The following MIA2 variants were observed in gnomAD, a reference collection of about 807,000 sequenced individuals.
MIA2 encodes melanoma inhibitory activity protein 2.
Under a neutral mutation model 167.8 loss-of-function variants are expected in MIA2, and 127 were observed. That is an observed-to-expected ratio of 0.76 (90% CI 0.66 to 0.88). MIA2 has a LOEUF of 0.88. Ranked by LOEUF, MIA2 falls within the 40% of genes least tolerant of loss-of-function variation. The probability of loss-of-function intolerance (pLI) is 0.00; values close to 1 mark genes in which losing one functional copy is unlikely to be tolerated. For missense variants in MIA2, 1,690 were observed against 1,624.7 expected (o/e 1.04, Z -0.69); for synonymous variants, 552 against 541.9 (o/e 1.02, Z -0.26).
intron 9 of MIA2, among the ~76,000 whole-genome samples, chr14:39,285,614 G>A (rs1387576808): frequency 7.1e-6 from 1 of 141,802 alleles, no homozygotes; most frequent in Non-Finnish European, 1.5e-5. Flanking sequence ...CCGGGCGGGG[G>A]CTGCCCCCCA....
At chr14:39,274,086 T>A (rs1299072880) in intron 6 of MIA2, among the ~76,000 whole-genome samples, 2 of 152,228 alleles carry the variant, frequency 1.3e-5, no homozygotes, top group Non-Finnish European at 2.9e-5. Context: ...TGATTTTTTT[T>A]AAAGCTACTT....
intron 23 of MIA2, among the ~76,000 whole-genome samples, chr14:39,358,082 G>C (rs1183968786): frequency 6.6e-6 from 1 of 152,130 alleles, no homozygotes; most frequent in African/African-American, 2.4e-5. Flanking sequence ...TGTATTTCCT[G>C]AATTTGAATG....
At chr14:39,323,168 C>T (rs537262473) in intron 24 of MIA2, among the ~76,000 whole-genome samples, 1 of 152,196 alleles carries the variant, frequency 6.6e-6, no homozygotes, top group South Asian at 2.1e-4. Context: ...CTCCCTTTGC[C>T]CATATCCTGT....
chr14:39,246,940 A>G lies in MIA2; in HGVS notation c.366A>G (p.Val122=). 1.3e-6 allele frequency: 2 copies of G among 1,521,960 alleles called. No homozygotes were observed. The highest frequency in any genetic ancestry group is 1.8e-6 in the Non-Finnish European group (2 of 1,140,330). The allele number at this position is 1,521,960 out of a possible 1,614,324, so 94.3% of individuals were successfully genotyped here. ...CTGACTTTCTTTGTCTTCTTGGAGT[A>G]AGTTACACATTTGACAATGAAGATA... is the stretch of plus-strand genomic sequence containing the variant. The part of the protein sequence containing the change: ...KESDFLCLLG[V]SYTFDNEDSE... Residue 122 remains valine, a synonymous_variant, in exon 4 of 29, where the codon GTA becomes GTG. Coordinates refer to ENST00000640607, the MANE Select transcript of MIA2 (RefSeq NM_001329214.4).
At chr14:39,302,344 T>C (rs2062658506) in intron 15 of MIA2, 95 bp downstream of exon 15, 1 of 1,395,678 alleles carries the variant, frequency 7.2e-7, no homozygotes, top group Admixed American at 1.9e-5. Context: ...TTTATATGCT[T>C]TTACTTTGGC....
chr14:39,344,178 A>G (rs1389702180), intron 25 of MIA2, among the ~76,000 whole-genome samples: 1 of 152,228 alleles, frequency 6.6e-6, no homozygotes, highest in Non-Finnish European at 1.5e-5. Context: ...TTTATAAAGT[A>G]GTAAATTTAT....
intron 23 of MIA2, among the ~76,000 whole-genome samples, chr14:39,356,463 G>GC (rs2074527952): frequency 1.3e-5 from 2 of 151,980 alleles, no homozygotes; most frequent in Admixed American, 6.6e-5. Context: ...TATTAGTCTT[G>GC]CTAGTGGTCT....
chr14:39,348,704 T>G, intron 27 of MIA2, 39 bp from the exon 28 acceptor site: 2 of 1,608,784 alleles, frequency 1.2e-6, no homozygotes, highest in South Asian at 2.2e-5. Context: ...GATTGCAAAT[T>G]TACTGTTTTA....
intron 17 of MIA2, among the ~76,000 whole-genome samples, chr14:39,304,794 A>G (rs1257948243): frequency 1.3e-5 from 2 of 152,154 alleles, no homozygotes; most frequent in South Asian, 4.1e-4. Flanking sequence ...TACGTAGTAT[A>G]TTAGTACATA....
intron 17 of MIA2, among the ~76,000 whole-genome samples, chr14:39,308,195 T>A (rs1015072474): frequency 2.6e-5 from 4 of 152,172 alleles, no homozygotes; most frequent in African/African-American, 9.6e-5. Flanking sequence ...ATTACCCTGA[T>A]AGGATTATTA....
At chr14:39,261,475 C>A (rs2152655785) in intron 6 of MIA2, among the ~76,000 whole-genome samples, 1 of 152,232 alleles carries the variant, frequency 6.6e-6, no homozygotes. Context: ...TTTATAGCAG[C>A]ATGATTTATA....
In MIA2 at chr14:39,234,174, G is replaced by A. The variant is rs2053628662; in HGVS notation, c.60G>A (p.Leu20=). ...TGGCTATTTCTCTGACAAAGTGTCT[G>A]GAGAGTACAAAACTGCTGGCAGACC... is the stretch of plus-strand genomic sequence containing the variant. ...LLLAISLTKC[L]ESTKLLADLK... is the part of the protein sequence containing the mutation. Residue 20 remains leucine, a synonymous_variant, in exon 1 of 29, where the codon CTG becomes CTA. Transcript: ENST00000640607. 3.1e-6 allele frequency: 5 copies of A among 1,610,034 alleles called. No homozygotes were observed. Among genetic ancestry groups the A allele is most frequent in the Non-Finnish European group, 4.2e-6 (5 of 1,178,576 alleles).
At chr14:39,298,413 T>TTATATATGTATATATATATATATA (rs1555375665) in intron 13 of MIA2, among the ~76,000 whole-genome samples, 9 of 26,148 alleles carry the variant, frequency 3.4e-4, no homozygotes, top group African/African-American at 1.2e-3. Flanking sequence ...TGATTCTGTT[T>TTATATATGTATATATATATATATA]TATATATATA....
intron 6 of MIA2, among the ~76,000 whole-genome samples, chr14:39,257,849 G>A (rs1404478613): frequency 2.0e-5 from 3 of 152,150 alleles, no homozygotes; most frequent in African/African-American, 7.2e-5. Flanking sequence ...TTGAAGCTTA[G>A]TTTGGCTGGA....
In MIA2 at chr14:39,361,076, G is replaced by A. The variant is rs376625603; in HGVS notation, c.2248+12099G>A. Among the ~76,000 whole-genome samples, 4 of 152,290 alleles carry A rather than the reference G, an allele frequency of 2.6e-5. No homozygotes were observed. In the East Asian group the frequency reaches 5.8e-4, roughly 22 times the overall value. On this transcript the variant is annotated intron_variant, in intron 23 of 23. Transcript: ENST00000341502. Reference sequence around the variant, plus strand: ...AGCCTTGTAATATATTTTGAAGTCAGATAATGTGATGCCCCCACCTTGATC... The same window carrying A: ...AGCCTTGTAATATATTTTGAAGTCAAATAATGTGATGCCCCCACCTTGATC...
intron 6 of MIA2, among the ~76,000 whole-genome samples, chr14:39,257,182 G>C (rs566978249): frequency 3.3e-5 from 5 of 152,080 alleles, no homozygotes; most frequent in Admixed American, 2.0e-4. Flanking sequence ...ATTGACAGTG[G>C]GGCATCAAAG....
At chr14:39,359,968 G>A (rs1232448545) in intron 23 of MIA2, among the ~76,000 whole-genome samples, 1 of 146,402 alleles carries the variant, frequency 6.8e-6, no homozygotes, top group Non-Finnish European at 1.5e-5. Context: ...AAAAGTTCCT[G>A]TTTCTCCGGA....
At chr14:39,235,252 G>A (rs1006020625) in intron 1 of MIA2, among the ~76,000 whole-genome samples, 1 of 151,944 alleles carries the variant, frequency 6.6e-6, no homozygotes, top group Non-Finnish European at 1.5e-5. Flanking sequence ...CCCAGCCTGA[G>A]CTCAGGGAAT....
intron 6 of MIA2, among the ~76,000 whole-genome samples, chr14:39,270,013 A>G (rs1175151945): frequency 6.6e-6 from 1 of 152,044 alleles, no homozygotes. Flanking sequence ...CATATTTACC[A>G]TATGTTTAAC....
Sources: gnomAD v4.1 joint callset for allele counts (sites outside exome capture counted in the v4.1 genomes callset) on GRCh38, gnomAD v4.1.1 for gene constraint, MANE v1.5 for transcripts, NCBI Gene and HGNC (gene_info 2026-07-23, HGNC 2026-07-21) for gene names.